Variants in TRAPPC9 observed in about 807,000 individuals in gnomAD.
TRAPPC9 encodes the protein trafficking protein particle complex subunit 9.
In TRAPPC9, 83 loss-of-function variants were observed where a neutral mutation model predicts 124.0. That is an observed-to-expected ratio of 0.67 (90% CI 0.56 to 0.80). TRAPPC9 has a LOEUF of 0.80. Ranked by LOEUF, TRAPPC9 falls within the 30% of genes least tolerant of loss-of-function variation. The pLI is 0.00. For missense variants in TRAPPC9, 1,302 were observed against 1,508.3 expected (o/e 0.86, Z 2.27); for synonymous variants, 638 against 617.5 (o/e 1.03, Z -0.49).
chr8:140,070,003 C>A (rs1030690604), intron 17 of TRAPPC9, among the ~76,000 whole-genome samples: 1 of 152,190 alleles, frequency 6.6e-6, no homozygotes. Flanking sequence ...TCCACCCAGG[C>A]CCCCGGCTAA....
chr8:140,298,054 T>C (rs1446648108), intron 11 of TRAPPC9, among the ~76,000 whole-genome samples: 1 of 152,186 alleles, frequency 6.6e-6, no homozygotes, highest in Non-Finnish European at 1.5e-5. Context: ...TCCTCATCTG[T>C]AAAAGGGAGA....
At chr8:140,283,043 G>C (rs1205422030) in intron 14 of TRAPPC9, among the ~76,000 whole-genome samples, 2 of 152,008 alleles carry the variant, frequency 1.3e-5, no homozygotes, top group Non-Finnish European at 2.9e-5. Flanking sequence ...TTCAAGACCA[G>C]CCTGGGCAAC....
At chr8:139,882,790 C>T (rs921838355) in intron 21 of TRAPPC9, among the ~76,000 whole-genome samples, 2 of 152,218 alleles carry the variant, frequency 1.3e-5, no homozygotes, top group African/African-American at 4.8e-5. Context: ...GGCATCATCC[C>T]ATTCCATAAA....
intron 11 of TRAPPC9, among the ~76,000 whole-genome samples, chr8:140,297,303 T>TAC (rs755791979): frequency 2.9e-4 from 44 of 151,752 alleles, no homozygotes; most frequent in East Asian, 5.8e-4. Flanking sequence ...TAAAAACGCA[T>TAC]ACACACACAC....
At chr8:139,925,446 G>A (rs971600630) in intron 19 of TRAPPC9, among the ~76,000 whole-genome samples, 2 of 152,064 alleles carry the variant, frequency 1.3e-5, no homozygotes, top group African/African-American at 2.4e-5. Flanking sequence ...AGACCCAACC[G>A]AACAGTACAA....
intron 17 of TRAPPC9, among the ~76,000 whole-genome samples, chr8:140,145,388 T>C (rs1317844545): frequency 6.6e-6 from 1 of 152,012 alleles, no homozygotes; most frequent in East Asian, 1.9e-4. Context: ...GCAATGTGCC[T>C]AGAGTTTCAA....
chr8:140,350,249 T>TCCTGTATTCAGCGCCTGTATTCAGCG (rs11268752), intron 9 of TRAPPC9, among the ~76,000 whole-genome samples: 2 of 152,076 alleles, frequency 1.3e-5, no homozygotes, highest in African/African-American at 4.8e-5. Context: ...ATTTTTGGTC[T>TCCTGTATTCAGCGCCTGTATTCAGCG]CCTGTATTCA....
At chr8:140,058,230 G>T (rs1489111283) in intron 17 of TRAPPC9, among the ~76,000 whole-genome samples, 1 of 151,958 alleles carries the variant, frequency 6.6e-6, no homozygotes, top group Non-Finnish European at 1.5e-5. Flanking sequence ...TATATGATGT[G>T]CTTAGGGGTG....
intron 17 of TRAPPC9, among the ~76,000 whole-genome samples, chr8:140,203,323 T>A (rs1029944695): frequency 1.3e-5 from 2 of 152,234 alleles, no homozygotes; most frequent in African/African-American, 4.8e-5. Context: ...TTCATGGTCG[T>A]GATCTCTGGG....
At chr8:140,217,219 C>T (rs972436554) in intron 17 of TRAPPC9, among the ~76,000 whole-genome samples, 4 of 152,180 alleles carry the variant, frequency 2.6e-5, no homozygotes, top group Admixed American at 6.5e-5. Context: ...TAAGGGAGAG[C>T]GCCACATCTG....
intron 21 of TRAPPC9, among the ~76,000 whole-genome samples, chr8:139,858,960 G>A (rs1045816121): frequency 2.1e-4 from 31 of 148,634 alleles, no homozygotes; most frequent in African/African-American, 6.5e-4. Context: ...GCTTCTGCAC[G>A]GTGAAATTGG....
At chr8:140,373,640 T>A (rs1013921320) in intron 7 of TRAPPC9, among the ~76,000 whole-genome samples, 2 of 151,576 alleles carry the variant, frequency 1.3e-5, no homozygotes, top group Non-Finnish European at 2.9e-5. Flanking sequence ...TTGCTCCACC[T>A]GCTCACCAGC....
In TRAPPC9 at chr8:139,979,363, C is replaced by A. The variant is rs149880031; in HGVS notation, c.2810+9363G>T. On this transcript the variant is annotated intron_variant, in intron 19 of 22. Coordinates refer to ENST00000438773, the MANE Select transcript of TRAPPC9 (RefSeq NM_001160372.4). ...TCCCACTCACCCGCCCACTCGCAAG[C>A]CAAACGTCTCTAGCCCAGCACAGGC... Among the ~76,000 whole-genome samples, 583 of 152,292 alleles carry A rather than the reference C, an allele frequency of 3.8e-3. 6 individuals are homozygous for A. The highest frequency in any genetic ancestry group is 0.013 in the African/African-American group (554 of 41,566).
At chr8:140,112,228 G>C (rs1328720709) in intron 17 of TRAPPC9, among the ~76,000 whole-genome samples, 1 of 152,110 alleles carries the variant, frequency 6.6e-6, no homozygotes, top group African/African-American at 2.4e-5. Context: ...GGTGGGAGGA[G>C]AGTAATGGAG....
intron 17 of TRAPPC9, among the ~76,000 whole-genome samples, chr8:140,156,029 TTAGCTGTA>T (rs925756261): frequency 1.9e-4 from 29 of 152,134 alleles, no homozygotes; most frequent in African/African-American, 6.3e-4. Context: ...TCCAGTCATG[TTAGCTGTA>T]TAATTGAGGA....
intron 17 of TRAPPC9, chr8:140,096,383 C>T (rs1481184889): frequency 1.3e-5 from 2 of 152,168 alleles, no homozygotes; most frequent in Non-Finnish European, 2.9e-5. Flanking sequence ...TAACAGGATC[C>T]CTCTGGCCAC....
At chr8:139,883,575 T>C (rs950132991) in intron 21 of TRAPPC9, among the ~76,000 whole-genome samples, 2 of 152,260 alleles carry the variant, frequency 1.3e-5, no homozygotes, top group African/African-American at 2.4e-5. Flanking sequence ...GCTCTAATTG[T>C]CCACTGTTCT....
intron 21 of TRAPPC9, among the ~76,000 whole-genome samples, chr8:139,747,462 G>C (rs1200549809): frequency 8.6e-6 from 1 of 115,668 alleles, no homozygotes; most frequent in Non-Finnish European, 1.8e-5. Context: ...CAGGTGTGGG[G>C]GCTGTGCAGG....
chr8:139,792,676 T>C (rs1822780293), intron 21 of TRAPPC9, among the ~76,000 whole-genome samples: 1 of 152,190 alleles, frequency 6.6e-6, no homozygotes. Flanking sequence ...GTGTCTGCAC[T>C]GCACAAGGAA....
Sources: gnomAD v4.1 joint callset for allele counts (sites outside exome capture counted in the v4.1 genomes callset) on GRCh38, gnomAD v4.1.1 for gene constraint, MANE v1.5 for transcripts, NCBI Gene and HGNC (gene_info 2026-07-23, HGNC 2026-07-21) for gene names.